The following GALNT1 variants were observed in gnomAD, a reference collection of about 807,000 sequenced individuals.
GALNT1 encodes the protein polypeptide N-acetylgalactosaminyltransferase 1.
In GALNT1, 17 loss-of-function variants were observed where a neutral mutation model predicts 65.7. The observed-to-expected ratio is 0.26, with a 90% CI of 0.18 to 0.39. GALNT1 has a LOEUF of 0.39. Among genes scored for constraint, GALNT1 ranks in the 10% least tolerant of loss-of-function variants. GALNT1 has a pLI of 1.00. For synonymous variants in GALNT1, 210 were observed against 219.7 expected (o/e 0.96, Z 0.39); for missense variants, 460 against 672.8 (o/e 0.68, Z 3.50).
upstream of GALNT1, among the ~76,000 whole-genome samples, chr18:35,581,473 G>T (rs1333932174): frequency 2.7e-5 from 4 of 145,798 alleles, no homozygotes; most frequent in Non-Finnish European, 6.1e-5. Context: ...GCAGCCGCAC[G>T]GGCCGCCGCC....
intron 1 of GALNT1, among the ~76,000 whole-genome samples, chr18:35,582,173 C>T (rs1334872400): frequency 6.6e-6 from 1 of 152,146 alleles, no homozygotes; most frequent in Non-Finnish European, 1.5e-5. Context: ...AATATGGCTT[C>T]TGGGTTCGGC....
intron 11 of GALNT1, among the ~76,000 whole-genome samples, chr18:35,706,418 C>T (rs770686465): frequency 4.6e-5 from 7 of 152,082 alleles, no homozygotes; most frequent in Non-Finnish European, 7.4e-5. Context: ...AGGAGAATGG[C>T]GTGAACCCAG....
At chr18:35,625,816 C>T (rs2144147094) in intron 1 of GALNT1, among the ~76,000 whole-genome samples, 1 of 152,282 alleles carries the variant, frequency 6.6e-6, no homozygotes, top group Middle Eastern at 3.4e-3. Context: ...TTTGCTGAAA[C>T]TCCAACGCAG....
At chr18:35,607,660 C>T (rs77182500) in intron 1 of GALNT1, among the ~76,000 whole-genome samples, 1,960 of 152,222 alleles carry the variant, frequency 0.013, 45 homozygotes, top group African/African-American at 0.045. Flanking sequence ...TTTGCTGACT[C>T]GGGCTGGTCT....
intron 1 of GALNT1, among the ~76,000 whole-genome samples, chr18:35,606,921 G>A (rs1731919052): frequency 6.6e-6 from 1 of 151,222 alleles, no homozygotes; most frequent in South Asian, 2.1e-4. Context: ...GAGAGACATA[G>A]TCATAGCACT....
intron 1 of GALNT1, among the ~76,000 whole-genome samples, chr18:35,635,680 C>G (rs1288284442): frequency 1.3e-5 from 2 of 151,862 alleles, no homozygotes; most frequent in African/African-American, 4.8e-5. Context: ...AATGTAGAAA[C>G]AATAATTGAT....
intron 1 of GALNT1, among the ~76,000 whole-genome samples, chr18:35,635,557 A>G (rs190048780): frequency 4.6e-5 from 7 of 152,302 alleles, no homozygotes; most frequent in Non-Finnish European, 7.4e-5. Flanking sequence ...GATTAGCACA[A>G]CCTAAGTAAA....
intron 3 of GALNT1, among the ~76,000 whole-genome samples, chr18:35,668,788 A>G (rs1313895614): frequency 6.6e-6 from 1 of 152,222 alleles, no homozygotes; most frequent in Non-Finnish European, 1.5e-5. Context: ...TCTTACCACA[A>G]TGACGTAAAG....
intron 1 of GALNT1, among the ~76,000 whole-genome samples, chr18:35,636,917 T>A (rs981921926): frequency 3.3e-5 from 5 of 151,942 alleles, no homozygotes; most frequent in Non-Finnish European, 5.9e-5. Flanking sequence ...TGGTAATTCT[T>A]AGAGTATTTC....
intron 1 of GALNT1, among the ~76,000 whole-genome samples, chr18:35,615,456 C>G (rs2046771796): frequency 6.6e-6 from 1 of 152,060 alleles, no homozygotes; most frequent in South Asian, 2.1e-4. Context: ...TTGTGAAAGG[C>G]AAAACTTAAG....
At chr18:35,631,605 G>T (rs1265919271) in intron 1 of GALNT1, among the ~76,000 whole-genome samples, 1 of 152,144 alleles carries the variant, frequency 6.6e-6, no homozygotes. Context: ...ATATCATACT[G>T]AATGGGCAAA....
intron 1 of GALNT1, among the ~76,000 whole-genome samples, chr18:35,597,845 G>A (rs1482846136): frequency 2.0e-5 from 3 of 152,048 alleles, no homozygotes; most frequent in Admixed American, 1.3e-4. Context: ...ATATGTAAAT[G>A]CCTTGAAATT....
At chr18:35,680,345 A>G (rs2047768184) in intron 4 of GALNT1, among the ~76,000 whole-genome samples, 1 of 152,146 alleles carries the variant, frequency 6.6e-6, no homozygotes, top group South Asian at 2.1e-4. Context: ...CAGACCTGTC[A>G]CATCCCTCTG....
rs1280904985 is a variant in GALNT1 at position 35,581,873 on chromosome 18, C to A, written c.-104+11C>A. The A allele has an allele frequency of 2.0e-5, 3 of 147,958 alleles. No homozygotes were observed. The highest frequency in any genetic ancestry group is 3.8e-4 in the South Asian group (2 of 5,242). 9.2% of individuals were successfully genotyped at this position (147,958 alleles called of 1,614,324 possible). ...CGCGCGCCTAGCGAGGTGAGTGTAT[C>A]GCCCGCGGCTGGGCAGTCCCGGAGC... is the stretch of plus-strand genomic sequence containing the variant. On this transcript the variant is annotated intron_variant, in intron 1 of 11. Transcript: ENST00000269195.
upstream of GALNT1, chr18:35,581,373 C>T (rs1036026410): frequency 4.0e-5 from 6 of 149,368 alleles, no homozygotes; most frequent in African/African-American, 1.5e-4. Context: ...GAGTCCCGAG[C>T]CCGAGGGGAG....
At chr18:35,689,613 C>T (rs1248675314) in intron 7 of GALNT1, among the ~76,000 whole-genome samples, 1 of 152,058 alleles carries the variant, frequency 6.6e-6, no homozygotes, top group Non-Finnish European at 1.5e-5. Context: ...CTGCTTTACT[C>T]TCAAAAACAT....
At chr18:35,638,971 C>A (rs2047127896) in intron 1 of GALNT1, among the ~76,000 whole-genome samples, 1 of 152,156 alleles carries the variant, frequency 6.6e-6, no homozygotes, top group Non-Finnish European at 1.5e-5. Flanking sequence ...GTAGTTACTT[C>A]TTATGGATGG....
chr18:35,612,865 C>CA lies in GALNT1; in HGVS notation c.-104+31016dup, dbSNP rs200935763. Among the ~76,000 whole-genome samples, 1,073 of 138,860 alleles carry CA rather than the reference C, an allele frequency of 7.7e-3. 16 individuals carry two copies. Among genetic ancestry groups the CA allele is most frequent in the African/African-American group, 0.025 (969 of 38,522 alleles). 91.1% of individuals were successfully genotyped at this position (138,860 alleles called of 152,430 possible). A position where few individuals can be genotyped will look rare whatever the true frequency, so the allele number is the denominator to read the frequency against. ...GGGCAACAAGAATGAAACTCTGTCT[C>CA]AAAAAAAAAAAAATCCGTAGGCAGC... is the stretch of plus-strand genomic sequence containing the variant. On this transcript the variant is annotated intron_variant, in intron 1 of 11. Transcript: ENST00000269195.
intron 1 of GALNT1, among the ~76,000 whole-genome samples, chr18:35,645,517 G>A (rs968315317): frequency 6.6e-6 from 1 of 152,066 alleles, no homozygotes; most frequent in African/African-American, 2.4e-5. Flanking sequence ...GGCGTGAGCT[G>A]CCGCACCTGG....
Sources: allele counts gnomAD v4.1 joint callset (sites outside exome capture counted in the v4.1 genomes callset), GRCh38; gene constraint gnomAD v4.1.1; transcripts MANE v1.5; gene names NCBI Gene and HGNC (gene_info 2026-07-23, HGNC 2026-07-21).